Variants in TNIK observed in about 807,000 individuals in gnomAD.
The protein encoded by TNIK is TRAF2 and NCK-interacting protein kinase.
In TNIK, 49 loss-of-function variants were observed where a neutral mutation model predicts 191.3. That is an observed-to-expected ratio of 0.26 (90% CI 0.20 to 0.32). The LOEUF is 0.32. Among genes scored for constraint, TNIK ranks in the 10% least tolerant of loss-of-function variants. The pLI is 1.00. For missense variants in TNIK, 1,155 were observed against 1,702.3 expected, an observed-to-expected ratio of 0.68 and a Z score of 5.66; for synonymous variants, 594 against 600.9, an observed-to-expected ratio of 0.99 and a Z score of 0.17.
intron 1 of TNIK, among the ~76,000 whole-genome samples, chr3:171,442,465 C>T (rs538131549): frequency 1.3e-5 from 2 of 152,274 alleles, no homozygotes; most frequent in South Asian, 4.2e-4. Context: ...CAGAGGGACA[C>T]CCAGCCTTCA....
intron 3 of TNIK, among the ~76,000 whole-genome samples, chr3:171,218,830 AATAT>A (rs1466264821): frequency 7.3e-6 from 1 of 136,320 alleles, no homozygotes; most frequent in Admixed American, 7.6e-5. Context: ...ATATATTATA[AATAT>A]ATATTTGATA....
chr3:171,259,968 A>G (rs546439439), intron 2 of TNIK, among the ~76,000 whole-genome samples: 111 of 152,246 alleles, frequency 7.3e-4, no homozygotes, highest in Non-Finnish European at 1.4e-3. Flanking sequence ...AGCCTTCTGA[A>G]TCTCCTCCTA....
chr3:171,374,837 A>G (rs1559991166), intron 1 of TNIK, among the ~76,000 whole-genome samples: 1 of 151,904 alleles, frequency 6.6e-6, no homozygotes, highest in Non-Finnish European at 1.5e-5. Context: ...AGCATTTTTC[A>G]TGAATAGCTC....
chr3:171,113,609 C>T lies in TNIK; in HGVS notation c.2121-2732G>A, dbSNP rs573492036. On this transcript the variant is annotated intron_variant, in intron 18 of 32. Transcript: ENST00000436636. ...AGACAGAGCGAGACTCTGTCTGTCTCGAAAAAAAAAAAAAGCAAATTCAAG... is the reference window on the plus strand; with the variant it reads ...AGACAGAGCGAGACTCTGTCTGTCTTGAAAAAAAAAAAAAGCAAATTCAAG... Among the ~76,000 whole-genome samples, 105 of 136,288 alleles carry T rather than the reference C, an allele frequency of 7.7e-4. 2 individuals carry two copies. The South Asian group carries it at 0.025, about 32-fold the overall frequency. 89.4% of individuals were successfully genotyped at this position (136,288 alleles called of 152,430 possible). A position where few individuals can be genotyped will look rare whatever the true frequency, so the allele number is the denominator to read the frequency against.
intron 1 of TNIK, among the ~76,000 whole-genome samples, chr3:171,378,377 G>T (rs1717555798): frequency 6.6e-6 from 1 of 152,078 alleles, no homozygotes; most frequent in African/African-American, 2.4e-5. Context: ...TTCTATGCCT[G>T]TTTCTTCAAC....
At chr3:171,248,050 T>G (rs534334621) in intron 2 of TNIK, among the ~76,000 whole-genome samples, 1 of 151,344 alleles carries the variant, frequency 6.6e-6, no homozygotes, top group African/African-American at 2.4e-5. Flanking sequence ...GCAGGAGGAG[T>G]CCTCTCACAC....
chr3:171,139,639 G>T, intron 13 of TNIK, 83 bp from the exon 14 acceptor site: 5 of 1,341,830 alleles, frequency 3.7e-6, no homozygotes, highest in Non-Finnish European at 5.3e-6. Context: ...GACAAGAGCC[G>T]CTAAGTAAAG....
At chr3:171,113,290 C>T (rs1013341128) in intron 18 of TNIK, among the ~76,000 whole-genome samples, 2 of 151,938 alleles carry the variant, frequency 1.3e-5, no homozygotes, top group Non-Finnish European at 2.9e-5. Flanking sequence ...GACGGGTAGA[C>T]GATTTTTGGA....
chr3:171,150,707 C>T (rs1162810170), intron 12 of TNIK, among the ~76,000 whole-genome samples: 9 of 152,156 alleles, frequency 5.9e-5, no homozygotes, highest in Admixed American at 5.9e-4. Context: ...CCCTACTAAA[C>T]AAGAAATCCG....
chr3:171,115,061 C>T (rs1726466673), intron 18 of TNIK, among the ~76,000 whole-genome samples: 1 of 152,202 alleles, frequency 6.6e-6, no homozygotes, highest in Non-Finnish European at 1.5e-5. Context: ...AAAAAATGTA[C>T]TGCTCACCAA....
chr3:171,325,965 T>A (rs753092139), intron 2 of TNIK, among the ~76,000 whole-genome samples: 6 of 152,224 alleles, frequency 3.9e-5, no homozygotes, highest in Non-Finnish European at 5.9e-5. Context: ...TCATCTGCTC[T>A]ATCCAGAATT....
chr3:171,099,134 A>C (rs1723108260), intron 22 of TNIK, among the ~76,000 whole-genome samples: 1 of 152,116 alleles, frequency 6.6e-6, no homozygotes, highest in Admixed American at 6.6e-5. Context: ...TTGCTTTACC[A>C]GTCTCCAGTC....
At chr3:171,273,040 C>T (rs1202683364) in intron 2 of TNIK, among the ~76,000 whole-genome samples, 1 of 152,188 alleles carries the variant, frequency 6.6e-6, no homozygotes, top group African/African-American at 2.4e-5. Context: ...GATCAGAAGC[C>T]CATGGCTGCT....
chr3:171,157,772 A>G (rs1466549885), intron 11 of TNIK, 108 bp from the exon 12 acceptor site: 5 of 1,146,678 alleles, frequency 4.4e-6, no homozygotes, highest in Middle Eastern at 2.3e-4. Flanking sequence ...CACACAGGGA[A>G]AGAAGAGCAC....
intron 1 of TNIK, among the ~76,000 whole-genome samples, chr3:171,421,346 G>A (rs1333829534): frequency 4.6e-5 from 7 of 152,190 alleles, no homozygotes; most frequent in Non-Finnish European, 8.8e-5. Flanking sequence ...CTGACCCATT[G>A]TGATAAATTC....
intron 1 of TNIK, among the ~76,000 whole-genome samples, chr3:171,394,181 A>G (rs1719939986): frequency 6.6e-6 from 1 of 152,202 alleles, no homozygotes; most frequent in African/African-American, 2.4e-5. Context: ...GAACCAGCCA[A>G]TGAATTCCCT....
At chr3:171,069,427 A>C (rs1718902574) in intron 29 of TNIK, among the ~76,000 whole-genome samples, 1 of 152,098 alleles carries the variant, frequency 6.6e-6, no homozygotes, top group Non-Finnish European at 1.5e-5. Context: ...AGGGACAGCC[A>C]AGGCCGGCTG....
intron 2 of TNIK, among the ~76,000 whole-genome samples, chr3:171,230,975 C>T (rs568323786): frequency 3.6e-4 from 55 of 152,306 alleles, no homozygotes; most frequent in African/African-American, 1.3e-3. Context: ...CCCCTCATTC[C>T]TGAGGGAGTC....
At chr3:171,108,262 T>A (rs1560123583) in intron 19 of TNIK, 100 bp from the exon 20 acceptor site, 3 of 890,062 alleles carry the variant, frequency 3.4e-6, no homozygotes, top group Non-Finnish European at 4.8e-6. Context: ...ACATTGAGAT[T>A]ACTCAGTGGA....
Sources: gnomAD v4.1 joint callset for allele counts (sites outside exome capture counted in the v4.1 genomes callset) on GRCh38, gnomAD v4.1.1 for gene constraint, MANE v1.5 for transcripts, NCBI Gene and HGNC (gene_info 2026-07-23, HGNC 2026-07-21) for gene names.